Variants in GRM7 observed in about 807,000 individuals in gnomAD.
GRM7 encodes metabotropic glutamate receptor 7.
In GRM7, 35 loss-of-function variants were observed where a neutral mutation model predicts 84.5. That is an observed-to-expected ratio of 0.41 (90% CI 0.32 to 0.55). The LOEUF is 0.55. Ranked by LOEUF, GRM7 falls within the 20% of genes least tolerant of loss-of-function variation. The pLI, the probability that GRM7 is intolerant of heterozygous loss-of-function variation, is 0.19. For missense variants in GRM7, 1,003 were observed against 1,194.6 expected (o/e 0.84, Z 2.36); for synonymous variants, 487 against 455.1 (o/e 1.07, Z -0.89).
intron 1 of GRM7, among the ~76,000 whole-genome samples, chr3:6,945,979 G>A (rs1300912322): frequency 3.3e-5 from 5 of 152,082 alleles, no homozygotes; most frequent in Non-Finnish European, 5.9e-5. Flanking sequence ...AGATGAGTAG[G>A]TTGCGAAAAT....
At chr3:7,584,254 T>C (rs1357057832) in intron 8 of GRM7, among the ~76,000 whole-genome samples, 1 of 152,264 alleles carries the variant, frequency 6.6e-6, no homozygotes, top group African/African-American at 2.4e-5. Context: ...CTGCAAATTT[T>C]CGAACAATGT....
At chr3:7,572,824 A>AT (rs1559411691) in intron 7 of GRM7, among the ~76,000 whole-genome samples, 2 of 59,700 alleles carry the variant, frequency 3.4e-5, no homozygotes, top group Non-Finnish European at 3.4e-5. Context: ...TCTATCTCAA[A>AT]TATATATATA....
intron 1 of GRM7, among the ~76,000 whole-genome samples, chr3:6,867,303 C>A (rs1261506894): frequency 6.6e-6 from 1 of 152,154 alleles, no homozygotes; most frequent in Non-Finnish European, 1.5e-5. Context: ...AAACATAATT[C>A]TTTTAGCCCA....
chr3:7,498,948 T>C (rs540189650), intron 7 of GRM7, among the ~76,000 whole-genome samples: 127 of 152,292 alleles, frequency 8.3e-4, no homozygotes, highest in Non-Finnish European at 1.4e-3. Flanking sequence ...TATTGCTATG[T>C]AACAAATAAT....
chr3:7,171,954 T>C (rs1275802346), intron 2 of GRM7, among the ~76,000 whole-genome samples: 1 of 152,192 alleles, frequency 6.6e-6, no homozygotes, highest in Non-Finnish European at 1.5e-5. Flanking sequence ...AGTTTCCCAG[T>C]GCATTTATTC....
intron 1 of GRM7, among the ~76,000 whole-genome samples, chr3:6,982,074 A>G (rs1694228084): frequency 6.6e-6 from 1 of 152,220 alleles, no homozygotes; most frequent in Non-Finnish European, 1.5e-5. Flanking sequence ...GACTGGATTA[A>G]GAAAATGTGG....
intron 2 of GRM7, among the ~76,000 whole-genome samples, chr3:7,263,771 T>C (rs1435810268): frequency 1.3e-5 from 2 of 152,006 alleles, no homozygotes; most frequent in Non-Finnish European, 2.9e-5. Flanking sequence ...GCTGGTGCTC[T>C]CTATGCCCAC....
Position 6,898,863 on chromosome 3 carries a change from G to T in GRM7, c.519+36956G>T, listed in dbSNP as rs115208707. Among the ~76,000 whole-genome samples the T allele has an allele frequency of 3.0e-3, 453 of 152,114 alleles. 5 individuals are homozygous for T. Among genetic ancestry groups the T allele is most frequent in the African/African-American group, 0.01 (435 of 41,484 alleles). ...TGAAGAAAGAAAAGAAAAGAGCACT[G>T]GAGCACTGATAAGACCTTGGTGAAG... On this transcript the variant is annotated intron_variant, in intron 1 of 9. Transcript: ENST00000357716.
rs73808488 is a variant in GRM7 at position 6,900,719 on chromosome 3, A to G, written c.519+38812A>G. Reference sequence around the variant, plus strand: ...ACCGAAAGGGTTCTTTTAAGGATATATTTGAATGTCATTTCAAAAAATAAA... The same window carrying G: ...ACCGAAAGGGTTCTTTTAAGGATATGTTTGAATGTCATTTCAAAAAATAAA... On this transcript the variant is annotated intron_variant, in intron 1 of 9. Transcript: ENST00000357716. Among the ~76,000 whole-genome samples the G allele has an allele frequency of 2.1e-3, 316 of 152,340 alleles. 1 individual carries two copies. The highest frequency in any genetic ancestry group is 7.4e-3 in the African/African-American group (308 of 41,580).
chr3:7,548,519 A>G (rs1693281760), intron 7 of GRM7, among the ~76,000 whole-genome samples: 1 of 152,210 alleles, frequency 6.6e-6, no homozygotes, highest in Non-Finnish European at 1.5e-5. Flanking sequence ...TGAAAGAAAT[A>G]TTTGTGAGGG....
chr3:7,377,919 A>G (rs1441657724), intron 4 of GRM7, among the ~76,000 whole-genome samples: 2 of 152,186 alleles, frequency 1.3e-5, no homozygotes, highest in African/African-American at 4.8e-5. Context: ...TGATCTTTCC[A>G]TGTATCTGTG....
chr3:7,022,346 T>A (rs1240437), intron 1 of GRM7, among the ~76,000 whole-genome samples: 85,913 of 148,524 alleles, frequency 0.58, 25,877 homozygotes, highest in African/African-American at 0.75. Flanking sequence ...AATAATAAAA[T>A]ATATATATAT....
At chr3:7,577,508 G>T (rs1200672141) in intron 7 of GRM7, among the ~76,000 whole-genome samples, 4 of 152,278 alleles carry the variant, frequency 2.6e-5, no homozygotes, top group Admixed American at 2.0e-4. Flanking sequence ...AAGAGCAGAT[G>T]CTGTGCTGGC....
At chr3:6,896,832 C>T (rs1348823210) in intron 1 of GRM7, among the ~76,000 whole-genome samples, 2 of 152,114 alleles carry the variant, frequency 1.3e-5, no homozygotes, top group African/African-American at 2.4e-5. Context: ...TTGTTGACTG[C>T]TTGAGATTGC....
intron 9 of GRM7, among the ~76,000 whole-genome samples, chr3:7,692,114 A>G (rs1700826727): frequency 6.6e-6 from 1 of 152,176 alleles, no homozygotes; most frequent in Non-Finnish European, 1.5e-5. Context: ...TTTTCAAGAT[A>G]GTTTACTGTG....
At chr3:7,474,223 T>C (rs1698827059) in intron 7 of GRM7, among the ~76,000 whole-genome samples, 1 of 152,162 alleles carries the variant, frequency 6.6e-6, no homozygotes, top group Non-Finnish European at 1.5e-5. Context: ...AATTCCATAA[T>C]TGGTGCTATC....
intron 2 of GRM7, among the ~76,000 whole-genome samples, chr3:7,166,909 C>T (rs541337553): frequency 1.3e-5 from 2 of 152,254 alleles, no homozygotes; most frequent in African/African-American, 4.8e-5. Context: ...TGTTTAAATA[C>T]AATGTCTTGT....
intron 7 of GRM7, among the ~76,000 whole-genome samples, chr3:7,487,390 G>C (rs1699360620): frequency 6.6e-6 from 1 of 152,162 alleles, no homozygotes; most frequent in African/African-American, 2.4e-5. Context: ...TATTAGCATG[G>C]ATAAAAGGGA....
At position 6,937,704 on chromosome 3, in the gene GRM7, C is replaced by G. The variant is rs138595916; in HGVS notation, c.519+75797C>G. 5.1e-3 allele frequency among the ~76,000 whole-genome samples: 772 copies of G among 152,232 alleles called. 9 individuals carry two copies. The highest frequency in any genetic ancestry group is 0.018 in the African/African-American group (752 of 41,528). On this transcript the variant is annotated intron_variant, in intron 1 of 9. Coordinates refer to ENST00000357716, the MANE Select transcript of GRM7 (RefSeq NM_000844.4). The stretch of plus-strand genomic sequence containing the variant: ...TTTTCTGAATGAGCTTGTAGAAACA[C>G]CAGTCTTTAGTCAGCCACTGGAAGA...
Sources: gnomAD v4.1 joint callset for allele counts (sites outside exome capture counted in the v4.1 genomes callset) on GRCh38, gnomAD v4.1.1 for gene constraint, MANE v1.5 for transcripts, NCBI Gene and HGNC (gene_info 2026-07-23, HGNC 2026-07-21) for gene names.